The following KCNIP4 variants were observed in gnomAD, a reference collection of about 807,000 sequenced individuals.
KCNIP4 encodes the protein potassium voltage-gated channel interacting protein 4.
Under a neutral mutation model 34.0 loss-of-function variants are expected in KCNIP4, and 12 were observed. The ratio of observed to expected loss-of-function variants is 0.35; its 90% CI spans 0.23 to 0.57. The LOEUF is 0.57. Ranked by LOEUF, KCNIP4 falls within the 20% of genes least tolerant of loss-of-function variation. The probability of loss-of-function intolerance (pLI) is 0.83; values close to 1 mark genes in which losing one functional copy is unlikely to be tolerated. For missense variants in KCNIP4, 238 were observed against 311.7 expected (o/e 0.76, Z 1.78); for synonymous variants, 124 against 102.2 (o/e 1.21, Z -1.29).
intron 1 of KCNIP4, among the ~76,000 whole-genome samples, chr4:21,566,648 C>G (rs1056820117): frequency 6.6e-6 from 1 of 152,102 alleles, no homozygotes; most frequent in Admixed American, 6.6e-5. Flanking sequence ...GATAGTTCTT[C>G]ATATCAATGT....
Position 21,546,380 on chromosome 4 carries a change from G to A in KCNIP4, c.61+402191C>T, listed in dbSNP as rs1738154383. On this transcript the variant is annotated intron_variant, in intron 1 of 8. Transcript: ENST00000382152. The stretch of plus-strand genomic sequence containing the variant: ...AAAGCAAAAAGTTGACTCTTCACAG[G>A]GAGTTTGAGCCCTAGTTCATATAAA... 4.6e-5 allele frequency among the ~76,000 whole-genome samples: 7 copies of A among 151,978 alleles called. No homozygotes were observed. The South Asian group carries it at 1.5e-3, about 32-fold the overall frequency.
rs1734043282 is a variant in KCNIP4 at position 21,508,539 on chromosome 4, C to T, written c.61+440032G>A. 4.6e-5 allele frequency among the ~76,000 whole-genome samples: 7 copies of T among 152,200 alleles called. No homozygotes were observed. In the South Asian group the frequency reaches 1.5e-3, roughly 32 times the overall value. ...CTTTGTAAATATAACTCAGATTTTG[C>T]TCAGATTAGCTACGTATCTAATTAA... On this transcript the variant is annotated intron_variant, in intron 1 of 8. Transcript: ENST00000382152.
chr4:21,581,972 C>A (rs1052951401), intron 1 of KCNIP4: 3 of 123,416 alleles, frequency 2.4e-5, no homozygotes, highest in African/African-American at 9.1e-5. Flanking sequence ...CTACATAGGG[C>A]ATAGAAAGAT....
intron 1 of KCNIP4, among the ~76,000 whole-genome samples, chr4:21,187,652 T>C (rs1002063195): frequency 1.7e-4 from 26 of 152,188 alleles, no homozygotes; most frequent in African/African-American, 5.6e-4. Context: ...GTTACAATAA[T>C]GCCCTATGGT....
At chr4:21,222,783 TG>T (rs780239571) in intron 1 of KCNIP4, among the ~76,000 whole-genome samples, 66 of 152,306 alleles carry the variant, frequency 4.3e-4, no homozygotes, top group Non-Finnish European at 7.1e-4. Context: ...TTTTTAACAG[TG>T]GTTGTACATT....
intron 1 of KCNIP4, among the ~76,000 whole-genome samples, chr4:21,696,308 T>C (rs1425718577): frequency 6.6e-6 from 1 of 151,776 alleles, no homozygotes; most frequent in African/African-American, 2.4e-5. Flanking sequence ...CTCAAATTCA[T>C]CTCTCAGCTT....
intron 1 of KCNIP4, chr4:21,303,747 T>C: frequency 1.4e-6 from 2 of 1,384,606 alleles, no homozygotes; most frequent in East Asian, 4.6e-5. Context: ...TACATTCACC[T>C]AAGACATTTT....
At chr4:20,758,974 A>G (rs1754718501) in intron 3 of KCNIP4, 84 bp from the exon 4 acceptor site, 1 of 1,032,220 alleles carries the variant, frequency 9.7e-7, no homozygotes, top group Non-Finnish European at 1.5e-6. Context: ...AGAACTGTCT[A>G]CCATGCAAAG....
chr4:21,318,205 G>T (rs1039145741), intron 1 of KCNIP4, among the ~76,000 whole-genome samples: 1 of 152,140 alleles, frequency 6.6e-6, no homozygotes, highest in Non-Finnish European at 1.5e-5. Flanking sequence ...AAAATGACAC[G>T]CAAGTAACTT....
At chr4:21,052,409 G>C (rs1743013939) in intron 1 of KCNIP4, among the ~76,000 whole-genome samples, 1 of 152,088 alleles carries the variant, frequency 6.6e-6, no homozygotes. Flanking sequence ...TAGACTACAT[G>C]ACTTTGGTTA....
intron 1 of KCNIP4, among the ~76,000 whole-genome samples, chr4:21,827,112 A>G (rs1722722651): frequency 1.3e-5 from 2 of 151,976 alleles, no homozygotes; most frequent in Admixed American, 1.3e-4. Context: ...AAATAATAAT[A>G]CAATTGGTTG....
At chr4:21,177,215 T>C (rs1374479797) in intron 1 of KCNIP4, among the ~76,000 whole-genome samples, 1 of 152,152 alleles carries the variant, frequency 6.6e-6, no homozygotes, top group South Asian at 2.1e-4. Context: ...CCGTGGAGAA[T>C]ACAATCTAGT....
chr4:20,964,285 C>CT (rs1209023417), intron 1 of KCNIP4, among the ~76,000 whole-genome samples: 4 of 152,124 alleles, frequency 2.6e-5, no homozygotes, highest in Non-Finnish European at 5.9e-5. Context: ...GACTTAGAGG[C>CT]TTACCCACGA....
At chr4:21,021,912 A>C (rs542867807) in intron 1 of KCNIP4, among the ~76,000 whole-genome samples, 6 of 151,870 alleles carry the variant, frequency 4.0e-5, no homozygotes, top group Non-Finnish European at 8.8e-5. Flanking sequence ...ATAGTATAGT[A>C]CATAAACCAG....
At chr4:20,945,442 G>C (rs1479271794) in intron 1 of KCNIP4, among the ~76,000 whole-genome samples, 2 of 152,112 alleles carry the variant, frequency 1.3e-5, no homozygotes, top group Non-Finnish European at 2.9e-5. Flanking sequence ...CACTAAAATG[G>C]GGACATTCAC....
intron 1 of KCNIP4, among the ~76,000 whole-genome samples, chr4:21,556,944 C>CAAAAAAAAAAAAAA (rs1560514384): frequency 9.2e-5 from 9 of 98,228 alleles, no homozygotes; most frequent in East Asian, 6.8e-4. Context: ...AAAAAAAAAA[C>CAAAAAAAAAAAAAA]CAGAAAACAA....
At chr4:21,765,666 T>C (rs1718358550) in intron 1 of KCNIP4, among the ~76,000 whole-genome samples, 1 of 151,460 alleles carries the variant, frequency 6.6e-6, no homozygotes, top group South Asian at 2.1e-4. Context: ...GGGTCTTGTT[T>C]TATTGCTCAG....
intron 1 of KCNIP4, among the ~76,000 whole-genome samples, chr4:21,783,696 A>G (rs1719719091): frequency 6.6e-6 from 1 of 152,228 alleles, no homozygotes; most frequent in South Asian, 2.1e-4. Context: ...CAATATAAAC[A>G]TTAAAGACTT....
intron 1 of KCNIP4, among the ~76,000 whole-genome samples, chr4:21,312,032 C>A (rs1035237563): frequency 6.6e-6 from 1 of 152,124 alleles, no homozygotes; most frequent in Non-Finnish European, 1.5e-5. Context: ...AGGATCAACA[C>A]CACACCCAGA....
Sources: allele counts gnomAD v4.1 joint callset (sites outside exome capture counted in the v4.1 genomes callset), GRCh38; gene constraint gnomAD v4.1.1; transcripts MANE v1.5; gene names NCBI Gene and HGNC (gene_info 2026-07-23, HGNC 2026-07-21).